KLC3: variants seen among roughly 807,000 people sequenced by gnomAD.
KLC3 encodes the protein kinesin light chain 3.
A neutral mutation model predicts 62.9 loss-of-function variants in KLC3; 72 were observed. That is an observed-to-expected ratio of 1.15 (90% CI 0.95 to 1.39). The LOEUF (loss-of-function observed/expected upper bound fraction) is 1.39. Ranked by LOEUF, KLC3 falls within the 40% of genes most tolerant of loss-of-function variation. The probability of loss-of-function intolerance (pLI) is 0.00; values close to 1 mark genes in which losing one functional copy is unlikely to be tolerated. For missense variants in KLC3, 848 were observed against 691.6 expected (o/e 1.23, Z -2.54); for synonymous variants, 377 against 300.5 (o/e 1.25, Z -2.63).
At chr19:45,347,767 G>C (rs909225242) in intron 4 of KLC3, among the ~76,000 whole-genome samples, 174 bp from the exon 5 acceptor site, 3 of 152,336 alleles carry the variant, frequency 2.0e-5, no homozygotes, top group African/African-American at 4.8e-5. Flanking sequence ...AGGCCAGGAT[G>C]CATCCCACCA....
chr19:45,343,323 C>CT (rs1281201485), intron 1 of KLC3, among the ~76,000 whole-genome samples: 1 of 151,750 alleles, frequency 6.6e-6, no homozygotes, highest in African/African-American at 2.4e-5. Context: ...GCTTTTCTTT[C>CT]TTTTTTTTAA....
Position 45,348,584 on chromosome 19 carries a change from CT to C in KLC3, c.780-61del, listed in dbSNP as rs921317992. On this transcript the variant is annotated intron_variant, in intron 5 of 12. Transcript: ENST00000391946. ...GGGCCTGTCAGGATTGGCCCAGCCC[CT>C]GTGGCTGCAGCTGCCCCAACCCTTG... The C allele has an allele frequency of 3.5e-5, 53 of 1,498,972 alleles. No individual in the cohort carries two copies. The African/African-American group carries it at 6.5e-4, about 18-fold the overall frequency. The allele number at this position is 1,498,972 out of a possible 1,614,324, so 92.9% of individuals were successfully genotyped here.
chr19:45,349,390 C>G (rs747643682), intron 7 of KLC3, 39 bp from the exon 8 acceptor site: 2 of 1,563,058 alleles, frequency 1.3e-6, no homozygotes, highest in Non-Finnish European at 1.7e-6. Flanking sequence ...TCCCACCAAT[C>G]CTGTATGATC....
chr19:45,347,164 G>GA (rs1404151873), intron 3 of KLC3: 1 of 442,972 alleles, frequency 2.3e-6, no homozygotes, highest in Non-Finnish European at 4.0e-6. Context: ...CCAACATGGA[G>GA]AAACCCCGTC....
Position 45,347,469 on chromosome 19 carries a change from G to T in KLC3, c.512G>T (p.Arg171Leu). ...CAGCAGTCTGAGTCCCCGCCTCGCC[G>T]AGACAGCCTGGCCTCCCTGTTCCCC... ...ESQQSESPPR[R>L]DSLASLFPSE... Residue 171 changes from arginine to leucine, a missense_variant, in exon 4 of 13, where the codon CGA (arginine) becomes CTA (leucine). Transcript: ENST00000391946. 6.2e-7 allele frequency: 1 copy of T among 1,611,952 alleles called. No homozygotes were observed. The highest frequency in any genetic ancestry group is 8.5e-7 in the Non-Finnish European group (1 of 1,179,014).
At chr19:45,341,213 T>TGTGG (rs1555772416) in intron 1 of KLC3, among the ~76,000 whole-genome samples, 1 of 149,316 alleles carries the variant, frequency 6.7e-6, no homozygotes, top group African/African-American at 2.5e-5. Flanking sequence ...TGTGTGTGTG[T>TGTGG]GGCTTTGCGT....
intron 8 of KLC3, 84 bp downstream of exon 8, chr19:45,349,686 A>G: frequency 2.5e-6 from 2 of 810,180 alleles, no homozygotes; most frequent in Non-Finnish European, 3.4e-6. Context: ...CAGGGTGAGC[A>G]ACGTGAGGGT....
chr19:45,347,468 C>T lies in KLC3; in HGVS notation c.511C>T (p.Arg171Ter), dbSNP rs200688304. 98 of 1,612,496 alleles carry T rather than the reference C, an allele frequency of 6.1e-5. No homozygotes were observed. Among genetic ancestry groups the T allele is most frequent in the African/African-American group, 5.5e-4 (41 of 74,938 alleles). ...GCAGCAGTCTGAGTCCCCGCCTCGC[C>T]GAGACAGCCTGGCCTCCCTGTTCCC... ...ESQQSESPPRRDSLASLFPSE... is the reference protein window; with the variant it reads ...ESQQSESPPR The change falls in exon 4 of 13, where the codon CGA (arginine) becomes TGA (stop). Residue 171 changes from arginine to a stop codon, truncating the protein, a stop_gained. Coordinates refer to ENST00000391946, the MANE Select transcript of KLC3 (RefSeq NM_177417.3). LOFTEE classifies it high-confidence loss of function.
At chr19:45,351,158 A>T (rs1236890326) in intron 12 of KLC3, 128 bp from the exon 13 acceptor site, 46 of 1,591,430 alleles carry the variant, frequency 2.9e-5, no homozygotes, top group Non-Finnish European at 3.8e-5. Context: ...AGGAGCAAAG[A>T]TGGGTTTTAC....
chr19:45,348,658 G>A lies in KLC3; in HGVS notation c.792G>A (p.Lys264=), dbSNP rs1291626946. ...GCGCCCCCCACAGGGACCAGAACAA[G>A]TACAAAGAAGCCACAGACCTTCTCC... ...ILALVYRDQN[K]YKEATDLLHD... is the part of the protein sequence containing the mutation. The change falls in exon 6 of 13, where the codon AAG becomes AAA. Residue 264 remains lysine (K), a synonymous_variant. Transcript: ENST00000391946. 1.3e-6 allele frequency: 2 copies of A among 1,584,632 alleles called. No homozygotes were observed. Among genetic ancestry groups the A allele is most frequent in the Non-Finnish European group, 1.7e-6 (2 of 1,165,708 alleles).
chr19:45,348,802 C>T lies in KLC3; in HGVS notation c.868-18C>T, dbSNP rs1158768571. The stretch of plus-strand genomic sequence containing the variant: ...CACACCTGCCCATCCCTGACCTGTG[C>T]CTCCCCCAACCCCGCAGGTGGCCGC... On this transcript the variant is annotated intron_variant, in intron 6 of 12. Transcript: ENST00000391946. 6.4e-7 allele frequency: 1 copy of T among 1,562,158 alleles called. No homozygotes were observed. Among genetic ancestry groups the T allele is most frequent in the South Asian group, 1.2e-5 (1 of 84,876 alleles).
At chr19:45,348,190 G>A (rs1447039070) in intron 5 of KLC3, 30 bp downstream of exon 5, 10 of 1,529,270 alleles carry the variant, frequency 6.5e-6, no homozygotes, top group Non-Finnish European at 8.9e-6. Flanking sequence ...ATGGCTGGGG[G>A]CAGGAACGGC....
intron 2 of KLC3, 102 bp from the exon 3 acceptor site, chr19:45,346,442 A>ATAGTAGTGGGGTGC: frequency 3.1e-6 from 3 of 959,044 alleles, no homozygotes; most frequent in Non-Finnish European, 4.5e-6. Flanking sequence ...GGTGTCGTGC[A>ATAGTAGTGGGGTGC]TAGTAGTGGG....
chr19:45,348,528 G>A, intron 5 of KLC3, 118 bp from the exon 6 acceptor site: 3 of 943,786 alleles, frequency 3.2e-6, no homozygotes, highest in South Asian at 1.5e-5. Context: ...CAAAGGGTGT[G>A]CCACCCATGC....
At chr19:45,351,248 TCAC>T (rs770196252) in intron 12 of KLC3, 35 bp from the exon 13 acceptor site, 1 of 691,750 alleles carries the variant, frequency 1.4e-6, no homozygotes. Flanking sequence ...CACTTGCCCC[TCAC>T]CTCCCCTCCA....
In KLC3 at chr19:45,346,573, T is replaced by C. The variant is rs746530368; in HGVS notation, c.288T>C (p.Gly96=). 7.8e-6 allele frequency: 12 copies of C among 1,546,610 alleles called. No homozygotes were observed. The highest frequency in any genetic ancestry group is 2.0e-5 in the Admixed American group (1 of 50,846). The change falls in exon 3 of 13, where the codon GGT becomes GGC. Residue 96 remains glycine, a synonymous_variant. Coordinates refer to ENST00000391946, the MANE Select transcript of KLC3 (RefSeq NM_177417.3). The part of the protein sequence containing the change: ...QVLLALSAHV[G]ALEAEKQRLR... ...TGCTGGCCCTGTCGGCACATGTGGG[T>C]GCACTGGAGGCAGAGAAGCAGCGGC...
In KLC3 at chr19:45,349,530, C is replaced by A; in HGVS notation, c.1071C>A (p.Ala357=). 6.2e-7 allele frequency: 1 copy of A among 1,614,020 alleles called. No individual in the cohort carries two copies. The highest frequency in any genetic ancestry group is 8.5e-7 in the Non-Finnish European group (1 of 1,179,982). Residue 357 remains alanine, a synonymous_variant, in exon 8 of 13, where the codon GCC becomes GCA. Transcript: ENST00000391946. ...TTGAGGACGTGGAGCGGCACTATGC[C>A]CGGGCCCTGAGCATCTATGAGGCAC... The part of the protein sequence containing the change: ...GKFEDVERHY[A]RALSIYEALG...
At position 45,348,021 on chromosome 19, in the gene KLC3, G is replaced by T; in HGVS notation, c.640G>T (p.Val214Leu). The part of the protein sequence containing the change: ...PARLRTLHNL[V>L]IQYAGQGRYE... ...CCGCCTTCGGACCCTGCATAACCTCGTGATCCAGTACGCGGGGCAGGGCCG... is the reference window on the plus strand; with the variant it reads ...CCGCCTTCGGACCCTGCATAACCTCTTGATCCAGTACGCGGGGCAGGGCCG... The change falls in exon 5 of 13, where the codon GTG becomes TTG. Residue 214 changes from valine to leucine, a missense_variant. Val to Leu is a conservative substitution (Grantham distance 32). Transcript: ENST00000391946. 6.2e-7 allele frequency: 1 copy of T among 1,609,142 alleles called. No homozygotes were observed. The highest frequency in any genetic ancestry group is 8.5e-7 in the Non-Finnish European group (1 of 1,177,936).
Position 45,346,676 on chromosome 19 carries a change from CG to C in KLC3, c.394del (p.Ala132ProfsTer83). On this transcript the variant is annotated frameshift_variant, in exon 3 of 13. Transcript: ENST00000391946. LOFTEE classifies it high-confidence loss of function. ...ACTGGAGGAGACGCAGCGGCGGCTT[CG>C]GGCCAGCGAGGAGTCCGTGGCCCAG... is the stretch of plus-strand genomic sequence containing the variant. ...EELEETQRRL[R>X]ASEESVAQLE... 1 of 1,559,446 alleles carries C rather than the reference CG, an allele frequency of 6.4e-7. No homozygotes were observed. Among genetic ancestry groups the C allele is most frequent in the Middle Eastern group, 1.7e-4 (1 of 5,808 alleles).
Sources: allele counts gnomAD v4.1 joint callset (sites outside exome capture counted in the v4.1 genomes callset), GRCh38; gene constraint gnomAD v4.1.1; transcripts MANE v1.5; gene names NCBI Gene and HGNC (gene_info 2026-07-23, HGNC 2026-07-21).